The following LINGO2 variants were observed in gnomAD, a reference collection of about 807,000 sequenced individuals.
LINGO2 encodes leucine rich repeat and Ig domain containing 2.
A neutral mutation model predicts 30.6 loss-of-function variants in LINGO2; 14 were observed. The ratio of observed to expected loss-of-function variants is 0.46; its 90% CI spans 0.30 to 0.72. The LOEUF is 0.72. LINGO2 is among the 30% of genes least tolerant of loss of function. The pLI, the probability that LINGO2 is intolerant of heterozygous loss-of-function variation, is 0.07. For synonymous variants in LINGO2, 317 were observed against 288.5 expected (o/e 1.10, Z -1.00); for missense variants, 729 against 751.7 (o/e 0.97, Z 0.35).
At chr9:28,715,148 G>A in the LINGO2 span, among the ~76,000 whole-genome samples, 1 of 152,146 alleles carries the variant, frequency 6.6e-6, no homozygotes, top group Admixed American at 6.6e-5. Context: ...ACTGGTGATG[G>A]ATTTTTCCAA....
chr9:28,943,381 A>T, the LINGO2 span, among the ~76,000 whole-genome samples: 2 of 151,010 alleles, frequency 1.3e-5, no homozygotes, highest in African/African-American at 4.9e-5. Context: ...GAAAAAAAAA[A>T]TGTGTCCTGC....
intron 3 of LINGO2, among the ~76,000 whole-genome samples, chr9:28,339,451 A>C (rs1825696100): frequency 6.6e-6 from 1 of 152,154 alleles, no homozygotes; most frequent in Non-Finnish European, 1.5e-5. Context: ...ATAATTGTAC[A>C]TTGAAAATGT....
the LINGO2 span, among the ~76,000 whole-genome samples, chr9:28,837,064 T>G: frequency 6.6e-6 from 1 of 152,240 alleles, no homozygotes; most frequent in Non-Finnish European, 1.5e-5. Flanking sequence ...TTTGTGAGTA[T>G]GATTTTGAAC....
chr9:28,963,770 G>A, the LINGO2 span, among the ~76,000 whole-genome samples: 4 of 151,858 alleles, frequency 2.6e-5, no homozygotes, highest in Non-Finnish European at 4.4e-5. Context: ...ATCAGTGGCT[G>A]GGAAGAGTGT....
At chr9:28,403,219 A>C (rs1822343858) in intron 2 of LINGO2, among the ~76,000 whole-genome samples, 1 of 152,118 alleles carries the variant, frequency 6.6e-6, no homozygotes, top group Admixed American at 6.5e-5. Flanking sequence ...TCATGGACTT[A>C]ATTAATGGGC....
At chr9:28,540,276 C>CT (rs1280717931) in intron 1 of LINGO2, among the ~76,000 whole-genome samples, 2 of 150,614 alleles carry the variant, frequency 1.3e-5, no homozygotes, top group African/African-American at 4.9e-5. Flanking sequence ...CTCTCTCTCT[C>CT]CCTCTCTCTC....
At chr9:28,038,479 G>A (rs1824046336) in intron 4 of LINGO2, among the ~76,000 whole-genome samples, 1 of 152,114 alleles carries the variant, frequency 6.6e-6, no homozygotes, top group Non-Finnish European at 1.5e-5. Context: ...GGATCACGAG[G>A]TCAGGAGATC....
chr9:28,724,814 A>T, the LINGO2 span, among the ~76,000 whole-genome samples: 5 of 152,104 alleles, frequency 3.3e-5, no homozygotes, highest in Admixed American at 3.3e-4. Context: ...GGGTCATCCA[A>T]ATCCAGAAAT....
intron 4 of LINGO2, among the ~76,000 whole-genome samples, chr9:28,013,636 A>C (rs548099970): frequency 7.2e-5 from 11 of 152,276 alleles, no homozygotes; most frequent in Admixed American, 2.6e-4. Flanking sequence ...TTAGTTTCTT[A>C]TTGTCTACAA....
At chr9:28,979,567 C>T in the LINGO2 span, among the ~76,000 whole-genome samples, 4 of 152,054 alleles carry the variant, frequency 2.6e-5, no homozygotes, top group South Asian at 8.3e-4. Flanking sequence ...CCGTATATTC[C>T]AAATGGGACC....
chr9:28,021,956 C>T (rs1040614117), intron 4 of LINGO2, among the ~76,000 whole-genome samples: 1 of 151,770 alleles, frequency 6.6e-6, no homozygotes, highest in Admixed American at 6.6e-5. Flanking sequence ...CTGCATTTAA[C>T]CATAAATATT....
At chr9:27,940,819 A>G in the LINGO2 span, 1 of 152,360 alleles carries the variant, frequency 6.6e-6, no homozygotes, top group Middle Eastern at 3.4e-3. Flanking sequence ...CAGGCCACTG[A>G]GTTAAAAGTA....
the LINGO2 span, among the ~76,000 whole-genome samples, chr9:29,018,416 C>T: frequency 6.6e-6 from 1 of 151,686 alleles, no homozygotes; most frequent in African/African-American, 2.4e-5. Flanking sequence ...CACAATATAC[C>T]CATGTAACGA....
At chr9:28,033,240 A>G (rs1823768329) in intron 4 of LINGO2, among the ~76,000 whole-genome samples, 1 of 152,216 alleles carries the variant, frequency 6.6e-6, no homozygotes, top group Admixed American at 6.5e-5. Context: ...AATCTCATTG[A>G]ATTCCTATGG....
the LINGO2 span, among the ~76,000 whole-genome samples, chr9:28,839,362 G>A: frequency 2.0e-5 from 3 of 152,102 alleles, no homozygotes; most frequent in African/African-American, 7.2e-5. Flanking sequence ...CAGGAGACCC[G>A]AAGTGGGAAG....
At chr9:28,515,884 AAG>A (rs1820600770) in intron 1 of LINGO2, among the ~76,000 whole-genome samples, 1 of 152,180 alleles carries the variant, frequency 6.6e-6, no homozygotes, top group Admixed American at 6.5e-5. Flanking sequence ...TTGTGAAAGG[AAG>A]AGTCAATTGA....
intron 3 of LINGO2, among the ~76,000 whole-genome samples, chr9:28,332,385 G>A (rs1400982059): frequency 6.6e-6 from 1 of 152,128 alleles, no homozygotes; most frequent in Non-Finnish European, 1.5e-5. Context: ...TACCTGGCCT[G>A]AGACTCACAT....
chr9:28,455,485 C>A (rs186947246), intron 2 of LINGO2, among the ~76,000 whole-genome samples: 1 of 152,062 alleles, frequency 6.6e-6, no homozygotes, highest in African/African-American at 2.4e-5. Flanking sequence ...TAGTTACAGG[C>A]AAGCTATACT....
At chr9:28,591,664 G>C (rs562115613) in intron 1 of LINGO2, among the ~76,000 whole-genome samples, 6 of 152,150 alleles carry the variant, frequency 3.9e-5, no homozygotes, top group Middle Eastern at 3.4e-3. Context: ...ACGCGGCACT[G>C]CTAGGTTGAA....
Sources: allele counts gnomAD v4.1 joint callset (sites outside exome capture counted in the v4.1 genomes callset), GRCh38; gene constraint gnomAD v4.1.1; transcripts MANE v1.5; gene names NCBI Gene and HGNC (gene_info 2026-07-23, HGNC 2026-07-21).